KHDRBS2: variants seen among roughly 807,000 people sequenced by gnomAD.
KHDRBS2 encodes the protein KH domain-containing, RNA-binding, signal transduction-associated protein 2.
KHDRBS2 carries 26 observed loss-of-function variants against 44.3 expected under a neutral mutation model. That is an observed-to-expected ratio of 0.59 (90% confidence interval 0.43 to 0.81). The LOEUF is 0.81. KHDRBS2 is among the 40% of genes least tolerant of loss of function. KHDRBS2 has a pLI of 0.00. For missense variants in KHDRBS2, 476 were observed against 433.1 expected, an observed-to-expected ratio of 1.10 and a Z score of -0.88; for synonymous variants, 194 against 151.1, an observed-to-expected ratio of 1.28 and a Z score of -2.08.
chr6:61,581,977 G>A, the KHDRBS2 span, among the ~76,000 whole-genome samples: 2 of 151,610 alleles, frequency 1.3e-5, no homozygotes, highest in Admixed American at 6.6e-5. Flanking sequence ...AAGGGAAAAT[G>A]TTTCTAAACT....
At chr6:61,845,677 T>TGG in intron 6 of KHDRBS2, among the ~76,000 whole-genome samples, 1 of 152,172 alleles carries the variant, frequency 6.6e-6, no homozygotes, top group Non-Finnish European at 1.5e-5. Flanking sequence ...TTAAAACACT[T>TGG]CTCACTAAAC....
At chr6:61,975,799 CAA>C (rs1772507380) in intron 4 of KHDRBS2, among the ~76,000 whole-genome samples, 1 of 152,146 alleles carries the variant, frequency 6.6e-6, no homozygotes, top group Admixed American at 6.5e-5. Context: ...ATACTACGTT[CAA>C]AATATAGTAA....
intron 3 of KHDRBS2, among the ~76,000 whole-genome samples, chr6:61,987,527 T>C (rs1252390804): frequency 1.3e-5 from 2 of 152,198 alleles, no homozygotes; most frequent in Non-Finnish European, 2.9e-5. Flanking sequence ...GGAACTTTCT[T>C]TTAACATAAA....
chr6:61,725,583 T>C (rs1773417288), intron 7 of KHDRBS2, among the ~76,000 whole-genome samples: 1 of 151,494 alleles, frequency 6.6e-6, no homozygotes, highest in Admixed American at 6.6e-5. Context: ...AAGAATCAAA[T>C]AAACACAATC....
At chr6:62,280,897 T>A (rs1841702049) in intron 1 of KHDRBS2, among the ~76,000 whole-genome samples, 1 of 152,158 alleles carries the variant, frequency 6.6e-6, no homozygotes, top group South Asian at 2.1e-4. Flanking sequence ...CATTTGGTCT[T>A]CTGGGAATGA....
At chr6:61,787,447 A>C (rs963154781) in intron 6 of KHDRBS2, among the ~76,000 whole-genome samples, 1 of 151,804 alleles carries the variant, frequency 6.6e-6, no homozygotes, top group Non-Finnish European at 1.5e-5. Flanking sequence ...TACACATTTT[A>C]TCTCTTGCGG....
chr6:62,101,286 C>G (rs551952951), intron 2 of KHDRBS2, among the ~76,000 whole-genome samples: 37 of 152,130 alleles, frequency 2.4e-4, no homozygotes, highest in Admixed American at 1.2e-3. Context: ...TATCAACATC[C>G]ACAGTTTTGC....
At chr6:62,210,791 A>G (rs936330398) in intron 1 of KHDRBS2, among the ~76,000 whole-genome samples, 4 of 152,184 alleles carry the variant, frequency 2.6e-5, no homozygotes, top group African/African-American at 7.2e-5. Flanking sequence ...TCATTAATTT[A>G]ATTCATTGAT....
chr6:62,109,077 C>T (rs1804334573), intron 2 of KHDRBS2, among the ~76,000 whole-genome samples: 1 of 146,724 alleles, frequency 6.8e-6, no homozygotes, highest in Non-Finnish European at 1.5e-5. Context: ...TGCACATGTA[C>T]CCTAAAACTT....
chr6:61,614,751 T>A, the KHDRBS2 span, among the ~76,000 whole-genome samples: 1 of 152,130 alleles, frequency 6.6e-6, no homozygotes, highest in Non-Finnish European at 1.5e-5. Context: ...AATTGTGAAC[T>A]GGGGATTTTT....
In KHDRBS2 at chr6:61,932,625, C is replaced by A. The variant is rs1810277683; in HGVS notation, c.484-31254G>T. ...ACCATCCTGGCTAACACGGTGAAAACCCATCTCTCTAAAAATACAAAAAAA... is the reference window on the plus strand; with the variant it reads ...ACCATCCTGGCTAACACGGTGAAAAACCATCTCTCTAAAAATACAAAAAAA... On this transcript the variant is annotated intron_variant, in intron 4 of 8. Coordinates refer to ENST00000281156, the MANE Select transcript of KHDRBS2 (RefSeq NM_152688.4). Among the ~76,000 whole-genome samples the A allele has an allele frequency of 1.3e-5, 2 of 152,072 alleles. 1 individual carries two copies.
intron 6 of KHDRBS2, among the ~76,000 whole-genome samples, chr6:61,762,308 C>T (rs1779380933): frequency 6.6e-6 from 1 of 152,154 alleles, no homozygotes; most frequent in Admixed American, 6.5e-5. Context: ...TGAGGACTTG[C>T]ATATCCCAAA....
At chr6:61,807,361 G>A (rs1352405612) in intron 6 of KHDRBS2, among the ~76,000 whole-genome samples, 9 of 152,024 alleles carry the variant, frequency 5.9e-5, no homozygotes, top group South Asian at 2.1e-4. Context: ...CCATAAAGAC[G>A]TATGCACAGG....
chr6:61,690,977 T>C (rs1455860003), intron 8 of KHDRBS2, among the ~76,000 whole-genome samples: 1 of 152,096 alleles, frequency 6.6e-6, no homozygotes, highest in Non-Finnish European at 1.5e-5. Context: ...ATTCTCAACC[T>C]TAGCTTACAA....
intron 8 of KHDRBS2, among the ~76,000 whole-genome samples, chr6:61,693,633 T>A (rs1259475820): frequency 6.6e-6 from 1 of 152,190 alleles, no homozygotes; most frequent in Non-Finnish European, 1.5e-5. Flanking sequence ...TTTCTACATT[T>A]TCCTTATTAC....
rs145921704 is a variant in KHDRBS2, at chr6:62,006,431, A to G, written c.337-28219T>C. Reference sequence around the variant, plus strand: ...TGCTAAAAAAGTATTTCAAGAAGGAATAAATCAAATAAAAATGAAGGTCAG... The same window carrying G: ...TGCTAAAAAAGTATTTCAAGAAGGAGTAAATCAAATAAAAATGAAGGTCAG... On this transcript the variant is annotated intron_variant, in intron 3 of 8. Coordinates refer to ENST00000281156, the MANE Select transcript of KHDRBS2 (RefSeq NM_152688.4). 5.0e-4 allele frequency among the ~76,000 whole-genome samples: 76 copies of G among 152,190 alleles called. No homozygotes were observed. The East Asian group carries it at 0.014, about 28-fold the overall frequency.
At chr6:61,948,388 T>G (rs1562496664) in intron 4 of KHDRBS2, among the ~76,000 whole-genome samples, 9 of 152,024 alleles carry the variant, frequency 5.9e-5, no homozygotes, top group Admixed American at 4.6e-4. Context: ...CTTTTTTAGC[T>G]GAAGAAAAAC....
intron 2 of KHDRBS2, among the ~76,000 whole-genome samples, chr6:62,176,567 G>A (rs1821138786): frequency 6.6e-6 from 1 of 151,018 alleles, no homozygotes; most frequent in Admixed American, 6.6e-5. Flanking sequence ...AAATCCCTCT[G>A]TTTACCCATT....
At chr6:62,133,666 G>C (rs1178499273) in intron 2 of KHDRBS2, among the ~76,000 whole-genome samples, 1 of 152,204 alleles carries the variant, frequency 6.6e-6, no homozygotes, top group Non-Finnish European at 1.5e-5. Flanking sequence ...GACAATGTGG[G>C]AAAGTTTGGA....
Sources: gnomAD v4.1 joint callset for allele counts (sites outside exome capture counted in the v4.1 genomes callset) on GRCh38, gnomAD v4.1.1 for gene constraint, MANE v1.5 for transcripts, NCBI Gene and HGNC (gene_info 2026-07-23, HGNC 2026-07-21) for gene names.